Variants in RAP1GDS1 observed in about 807,000 individuals in gnomAD.
RAP1GDS1 encodes RAP1, GTP-GDP dissociation stimulator 1.
RAP1GDS1 carries 35 observed loss-of-function variants against 71.1 expected under a neutral mutation model. The ratio of observed to expected loss-of-function variants is 0.49; its 90% confidence interval spans 0.38 to 0.65. The LOEUF is 0.65. RAP1GDS1 is among the 30% of genes least tolerant of loss of function. The pLI, the probability that RAP1GDS1 is intolerant of heterozygous loss-of-function variation, is 0.00. For missense variants in RAP1GDS1, 663 were observed against 706.1 expected, an observed-to-expected ratio of 0.94 and a Z score of 0.69; for synonymous variants, 229 against 243.1, an observed-to-expected ratio of 0.94 and a Z score of 0.54.
intron 5 of RAP1GDS1, among the ~76,000 whole-genome samples, chr4:98,382,872 C>G (rs17027533): frequency 0.076 from 11,572 of 151,620 alleles, 491 homozygotes; most frequent in Admixed American, 0.14. Flanking sequence ...GTTGATGTTC[C>G]TTATCTACGT....
chr4:98,409,785 G>A (rs1005214293), intron 7 of RAP1GDS1: 3 of 402,826 alleles, frequency 7.4e-6, no homozygotes, highest in Non-Finnish European at 1.5e-5. Context: ...AAGATAAAAG[G>A]CTTCTAGACT....
chr4:98,297,002 TC>T lies in RAP1GDS1; in HGVS notation c.112+3491del, dbSNP rs1727869722. 1.9e-5 allele frequency: 4 copies of T among 206,282 alleles called. No individual in the cohort carries two copies. The South Asian group carries it at 2.4e-4, about 12-fold the overall frequency. 12.8% of individuals were successfully genotyped at this position (206,282 alleles called of 1,614,324 possible). A position where few individuals can be genotyped will look rare whatever the true frequency, so the allele number is the denominator to read the frequency against. On this transcript the variant is annotated intron_variant, in intron 2 of 14. Transcript: ENST00000408927. ...CTCTCCCTGAAGAAGTAAGCTGTCTTCCCCTGCCTCGTTCTCTTTTTTTTTT... is the reference window on the plus strand; with the variant it reads ...CTCTCCCTGAAGAAGTAAGCTGTCTTCCCTGCCTCGTTCTCTTTTTTTTTT...
rs73834406 is a variant in RAP1GDS1, at chr4:98,289,572, A to G, written c.5-3836A>G. On this transcript the variant is annotated intron_variant, in intron 1 of 14. Transcript: ENST00000408927. ...TGGTAAACAAAAAAAAAAAAAAAAA[A>G]AAAGAAAGAAAAGTAGGAAACTGAA... Among the ~76,000 whole-genome samples the G allele has an allele frequency of 8.9e-3, 1,322 of 148,222 alleles. 10 individuals are homozygous for G. Among genetic ancestry groups the G allele is most frequent in the African/African-American group, 0.013 (500 of 38,680 alleles).
intron 3 of RAP1GDS1, among the ~76,000 whole-genome samples, chr4:98,348,291 G>T (rs1402191199): frequency 6.6e-6 from 1 of 152,112 alleles, no homozygotes; most frequent in Admixed American, 6.5e-5. Context: ...CAAAGGACAT[G>T]AACTCATTCG....
chr4:98,415,905 G>A (rs1292406652), intron 7 of RAP1GDS1, among the ~76,000 whole-genome samples: 1 of 151,938 alleles, frequency 6.6e-6, no homozygotes, highest in Non-Finnish European at 1.5e-5. Context: ...TTAAAAACAC[G>A]ACTTTATTTA....
Position 98,404,711 on chromosome 4 carries a change from GAT to G in RAP1GDS1, c.763+112_763+113del. On this transcript the variant is annotated intron_variant, in intron 7 of 14. Transcript: ENST00000408927. Reference sequence around the variant, plus strand: ...TGACTCAAAACCATTCTTTATTAGTGATATGTTTTATTTTGCATATCTCTAAC... The same window carrying G: ...TGACTCAAAACCATTCTTTATTAGTGATGTTTTATTTTGCATATCTCTAAC... 5 of 1,322,894 alleles carry G rather than the reference GAT, an allele frequency of 3.8e-6. No individual in the cohort carries two copies. The Admixed American group carries it at 1.0e-4, about 26-fold the overall frequency. 81.9% of individuals were successfully genotyped at this position (1,322,894 alleles called of 1,614,324 possible). A position where few individuals can be genotyped will look rare whatever the true frequency, so the allele number is the denominator to read the frequency against.
rs756266090 is a variant in RAP1GDS1, at chr4:98,392,111, T to C, written c.637+31T>C. The C allele has an allele frequency of 4.4e-6, 7 of 1,582,058 alleles. No homozygotes were observed. In the South Asian group the frequency reaches 6.9e-5, roughly 16 times the overall value. The stretch of plus-strand genomic sequence containing the variant: ...TCTTAGTCATGAACCACAAATGTAA[T>C]TAACTTATTAATGTGCTTACAATAA... On this transcript the variant is annotated intron_variant, in intron 6 of 14. Transcript: ENST00000408927.
At chr4:98,278,620 T>C (rs924111412) in intron 1 of RAP1GDS1, among the ~76,000 whole-genome samples, 10 of 152,212 alleles carry the variant, frequency 6.6e-5, no homozygotes, top group African/African-American at 2.4e-4. Context: ...ATGAACTGTG[T>C]ATAGCCTTCA....
chr4:98,349,854 T>C (rs1736897688), intron 3 of RAP1GDS1, among the ~76,000 whole-genome samples: 1 of 152,140 alleles, frequency 6.6e-6, no homozygotes, highest in Non-Finnish European at 1.5e-5. Flanking sequence ...TTTTAATATA[T>C]CTGCCTGAAG....
At chr4:98,323,320 C>T (rs921201453) in intron 2 of RAP1GDS1, among the ~76,000 whole-genome samples, 5 of 145,916 alleles carry the variant, frequency 3.4e-5, no homozygotes, top group Admixed American at 1.4e-4. Flanking sequence ...CAGATGGATT[C>T]GCAGCCGAAT....
chr4:98,410,280 C>T (rs1353685177), intron 7 of RAP1GDS1, among the ~76,000 whole-genome samples: 1 of 151,970 alleles, frequency 6.6e-6, no homozygotes, highest in African/African-American at 2.4e-5. Flanking sequence ...TTTTAATAAG[C>T]ACTTGACAAA....
intron 5 of RAP1GDS1, among the ~76,000 whole-genome samples, chr4:98,384,942 GT>G (rs1454639498): frequency 6.6e-6 from 1 of 151,634 alleles, no homozygotes; most frequent in African/African-American, 2.4e-5. Context: ...TGCCCACTTA[GT>G]TGAGGGCAGT....
intron 6 of RAP1GDS1, among the ~76,000 whole-genome samples, chr4:98,397,505 C>A (rs754283440): frequency 6.6e-6 from 1 of 152,048 alleles, no homozygotes; most frequent in African/African-American, 2.4e-5. Flanking sequence ...CAAATAAGAA[C>A]AACCTCAAGG....
intron 12 of RAP1GDS1, among the ~76,000 whole-genome samples, chr4:98,426,294 C>A (rs773970391): frequency 6.6e-6 from 1 of 151,990 alleles, no homozygotes; most frequent in Admixed American, 6.6e-5. Context: ...AAGAGACAAT[C>A]TAAGGTCACA....
chr4:98,343,421 T>C lies in RAP1GDS1; in HGVS notation c.235+160T>C, dbSNP rs1462781952. 3 of 896,576 alleles carry C rather than the reference T, an allele frequency of 3.3e-6. No individual in the cohort carries two copies. In the Admixed American group the frequency reaches 8.2e-5, roughly 25 times the overall value. The allele number at this position is 896,576 out of a possible 1,614,324, so 55.5% of individuals were successfully genotyped here. A position where few individuals can be genotyped will look rare whatever the true frequency, so the allele number is the denominator to read the frequency against. On this transcript the variant is annotated intron_variant, in intron 3 of 14. Coordinates refer to ENST00000408927, the MANE Select transcript of RAP1GDS1 (RefSeq NM_001100427.2). ...TCTTCATGTAATTGTTTTAAATGGCTATAGTTACAGTCATTCATACCTGTC... is the reference window on the plus strand; with the variant it reads ...TCTTCATGTAATTGTTTTAAATGGCCATAGTTACAGTCATTCATACCTGTC...
intron 2 of RAP1GDS1, among the ~76,000 whole-genome samples, 177 bp from the exon 3 acceptor site, chr4:98,342,962 A>G (rs1044146285): frequency 1.7e-5 from 2 of 119,848 alleles, no homozygotes; most frequent in East Asian, 3.0e-4. Context: ...AAAACTCAAA[A>G]TAAAAGCAGC....
chr4:98,381,463 A>C (rs915576378), intron 5 of RAP1GDS1, among the ~76,000 whole-genome samples: 1 of 151,394 alleles, frequency 6.6e-6, no homozygotes, highest in Non-Finnish European at 1.5e-5. Context: ...TTTGTCCATT[A>C]TTTGCTTTCT....
At chr4:98,314,336 G>A (rs1286956732) in intron 2 of RAP1GDS1, among the ~76,000 whole-genome samples, 4 of 152,120 alleles carry the variant, frequency 2.6e-5, no homozygotes, top group South Asian at 2.1e-4. Flanking sequence ...GAAAAACTTC[G>A]TTCTTAACTT....
chr4:98,343,922 C>T (rs750921705), intron 3 of RAP1GDS1, among the ~76,000 whole-genome samples: 10 of 152,108 alleles, frequency 6.6e-5, no homozygotes, highest in Non-Finnish European at 8.8e-5. Context: ...ATAAGAAGGC[C>T]GTACTATATA....
Sources: gnomAD v4.1 joint callset for allele counts (sites outside exome capture counted in the v4.1 genomes callset) on GRCh38, gnomAD v4.1.1 for gene constraint, MANE v1.5 for transcripts, NCBI Gene and HGNC (gene_info 2026-07-23, HGNC 2026-07-21) for gene names.